USP15: variants seen among roughly 807,000 people sequenced by gnomAD.
The protein encoded by USP15 is ubiquitin carboxyl-terminal hydrolase 15.
A neutral mutation model predicts 127.1 loss-of-function variants in USP15; 18 were observed. The observed-to-expected ratio is 0.14, with a 90% CI of 0.10 to 0.21. The LOEUF (loss-of-function observed/expected upper bound fraction) is 0.21, where lower values mean the gene tolerates loss of function less well. Ranked by LOEUF, USP15 falls within the 10% of genes least tolerant of loss-of-function variation. The pLI, the probability that USP15 is intolerant of heterozygous loss-of-function variation, is 1.00. For synonymous variants in USP15, 364 were observed against 393.7 expected (o/e 0.92, Z 0.89); for missense variants, 805 against 1,159.9 (o/e 0.69, Z 4.44).
intron 17 of USP15, 122 bp downstream of exon 17, chr12:62,392,008 A>G (rs1346750351): frequency 9.4e-7 from 1 of 1,064,946 alleles, no homozygotes; most frequent in Non-Finnish European, 1.3e-6. Flanking sequence ...TTGCCAGTAA[A>G]AAATTGGTCA....
chr12:62,370,725 A>G (rs1592685770), intron 8 of USP15, among the ~76,000 whole-genome samples: 1 of 152,120 alleles, frequency 6.6e-6, no homozygotes, highest in Non-Finnish European at 1.5e-5. Flanking sequence ...ACATCCATCT[A>G]TATACTAATA....
chr12:62,404,329 A>G lies in USP15; in HGVS notation c.2900A>G (p.Asp967Gly), dbSNP rs1208075612. The part of the protein sequence containing the change: ...IPLESDEDSN[D>G]NDNDIENENC... ...TTAGAAAGTGATGAAGATAGCAATG[A>G]TAATGACAATGATATAGAAAATGAA... Residue 967 changes from aspartate (D) to glycine (G), a missense_variant, in exon 22 of 22, where the codon GAT becomes GGT. Transcript: ENST00000280377. 3 of 1,612,892 alleles carry G rather than the reference A, an allele frequency of 1.9e-6. No individual in the cohort carries two copies. The South Asian group carries it at 3.3e-5, about 18-fold the overall frequency.
At chr12:62,396,772 T>G (rs2067504879) in intron 20 of USP15, among the ~76,000 whole-genome samples, 1 of 152,202 alleles carries the variant, frequency 6.6e-6, no homozygotes, top group Non-Finnish European at 1.5e-5. Flanking sequence ...GTCTCGACAC[T>G]TATGAAGACT....
chr12:62,268,589 T>C (rs2063257590), intron 1 of USP15, among the ~76,000 whole-genome samples: 1 of 152,280 alleles, frequency 6.6e-6, no homozygotes, highest in Admixed American at 6.5e-5. Flanking sequence ...TTGGGGCCTT[T>C]ATGCCCCATT....
chr12:62,370,617 T>G (rs2066631885), intron 8 of USP15, among the ~76,000 whole-genome samples: 1 of 152,180 alleles, frequency 6.6e-6, no homozygotes, highest in African/African-American at 2.4e-5. Flanking sequence ...ATCATTACTG[T>G]TGTCATGATA....
Position 62,392,323 on chromosome 12 carries a change from G to T in USP15, c.2356G>T (p.Val786Leu), listed in dbSNP as rs2067351261. 1.2e-6 allele frequency: 2 copies of T among 1,608,564 alleles called. No individual in the cohort carries two copies. The highest frequency in any genetic ancestry group is 1.7e-6 in the Non-Finnish European group (2 of 1,178,204). ...GTATAAACCTCCTAAAAAACCCTTTGTGAAATTAAAAGATTGCATTGAACT... is the reference window on the plus strand; with the variant it reads ...GTATAAACCTCCTAAAAAACCCTTTTTGAAATTAAAAGATTGCATTGAACT... ...VEYKPPKKPF[V>L]KLKDCIELFT... The change falls in exon 18 of 22, where the codon GTG becomes TTG. Residue 786 changes from valine to leucine, a missense_variant. By Grantham distance (32) the Val-to-Leu change is conservative (BLOSUM62 1). Coordinates refer to ENST00000280377, the MANE Select transcript of USP15 (RefSeq NM_001252078.2).
chr12:62,337,230 T>G (rs887105232), intron 6 of USP15, among the ~76,000 whole-genome samples: 2 of 152,192 alleles, frequency 1.3e-5, no homozygotes, highest in Admixed American at 6.5e-5. Flanking sequence ...GACACAGCCT[T>G]CCTTCATTCA....
intron 6 of USP15, among the ~76,000 whole-genome samples, chr12:62,332,093 G>A (rs528727924): frequency 1.3e-5 from 2 of 152,036 alleles, no homozygotes; most frequent in South Asian, 4.2e-4. Context: ...GAATGCTAAA[G>A]GTGAAGGTTG....
chr12:62,390,584 C>A (rs2067293204), intron 14 of USP15, among the ~76,000 whole-genome samples: 3 of 152,030 alleles, frequency 2.0e-5, no homozygotes, highest in South Asian at 2.1e-4. Flanking sequence ...TTTTTAGCAA[C>A]AATATATACC....
chr12:62,336,797 T>C (rs990700045), intron 6 of USP15: 5 of 153,316 alleles, frequency 3.3e-5, no homozygotes, highest in Admixed American at 2.6e-4. Context: ...AATGTTTGGG[T>C]TGAAGTACAT....
intron 8 of USP15, among the ~76,000 whole-genome samples, chr12:62,375,470 C>A (rs1372718919): frequency 6.6e-6 from 1 of 151,964 alleles, no homozygotes; most frequent in Admixed American, 6.6e-5. Context: ...TTGAGTGTGC[C>A]CGATATTGTG....
intron 3 of USP15, among the ~76,000 whole-genome samples, chr12:62,308,531 C>T (rs565651028): frequency 4.6e-5 from 7 of 152,116 alleles, no homozygotes; most frequent in African/African-American, 1.7e-4. Context: ...TCACTCTGGG[C>T]GAAGCCATAA....
intron 8 of USP15, among the ~76,000 whole-genome samples, chr12:62,358,481 A>G (rs182461285): frequency 2.4e-4 from 37 of 152,286 alleles, no homozygotes; most frequent in Admixed American, 1.2e-3. Context: ...TTGGGAGGCC[A>G]AGGCGAGTGG....
intron 4 of USP15, among the ~76,000 whole-genome samples, chr12:62,320,851 G>A (rs1254826212): frequency 6.6e-6 from 1 of 151,794 alleles, no homozygotes; most frequent in Non-Finnish European, 1.5e-5. Flanking sequence ...CTATTTTCTT[G>A]AGTTGATTAG....
chr12:62,295,394 A>G (rs1448579036), intron 2 of USP15, among the ~76,000 whole-genome samples: 2 of 152,252 alleles, frequency 1.3e-5, no homozygotes, highest in Non-Finnish European at 2.9e-5. Flanking sequence ...GCATCAAACT[A>G]TTTCGAAGAA....
rs2064683389 is a variant in USP15, at chr12:62,311,644, T to A, written c.349-3146T>A. On this transcript the variant is annotated intron_variant, in intron 3 of 21. Coordinates refer to ENST00000280377, the MANE Select transcript of USP15 (RefSeq NM_001252078.2). The stretch of plus-strand genomic sequence containing the variant: ...CCCATCACTAGATCTAGGCATTGGC[T>A]TTAATGTCTACCAGCATCACAAAAA... Among the ~76,000 whole-genome samples the A allele has an allele frequency of 1.3e-5, 2 of 151,728 alleles. 1 individual carries two copies. The highest frequency in any genetic ancestry group is 4.1e-4 in the South Asian group (2 of 4,832).
At chr12:62,286,687 C>T (rs2137117578) in intron 1 of USP15, among the ~76,000 whole-genome samples, 2 of 152,226 alleles carry the variant, frequency 1.3e-5, no homozygotes, top group East Asian at 3.9e-4. Context: ...CCTGTAATCC[C>T]AGCACTTTGG....
At chr12:62,296,186 G>A (rs1003049569) in intron 2 of USP15, among the ~76,000 whole-genome samples, 1 of 152,180 alleles carries the variant, frequency 6.6e-6, no homozygotes, top group Non-Finnish European at 1.5e-5. Flanking sequence ...ACTGAATTCT[G>A]CCAACAACTG....
At position 62,405,184 on chromosome 12, in the gene USP15, G is replaced by C. The variant is rs1449992177; in HGVS notation, c.*809G>C. On this transcript the variant is annotated 3_prime_UTR_variant, in exon 22 of 22. Transcript: ENST00000280377. ...TTGGTCCAAAATTAAAATTTTTGCTGTCTGTTTTTCTCTACCCCATTTTGT... is the reference window on the plus strand; with the variant it reads ...TTGGTCCAAAATTAAAATTTTTGCTCTCTGTTTTTCTCTACCCCATTTTGT... 2 of 152,008 alleles carry C rather than the reference G, an allele frequency of 1.3e-5. No individual in the cohort carries two copies. Among genetic ancestry groups the C allele is most frequent in the African/African-American group, 2.4e-5 (1 of 41,394 alleles). The allele number at this position is 152,008 out of a possible 1,614,324, so 9.4% of individuals were successfully genotyped here. A position where few individuals can be genotyped will look rare whatever the true frequency, so the allele number is the denominator to read the frequency against.
Sources: gnomAD v4.1 joint callset for allele counts (sites outside exome capture counted in the v4.1 genomes callset) on GRCh38, gnomAD v4.1.1 for gene constraint, MANE v1.5 for transcripts, NCBI Gene and HGNC (gene_info 2026-07-23, HGNC 2026-07-21) for gene names.